PTPRB: variants seen among roughly 807,000 people sequenced by gnomAD.
The protein encoded by PTPRB is protein tyrosine phosphatase receptor type B.
In PTPRB, 97 loss-of-function variants were observed where a neutral mutation model predicts 238.1. The ratio of observed to expected loss-of-function variants is 0.41; its 90% confidence interval spans 0.35 to 0.48. The LOEUF (loss-of-function observed/expected upper bound fraction) is 0.48. PTPRB is among the 20% of genes least tolerant of loss of function. The pLI, the probability that PTPRB is intolerant of heterozygous loss-of-function variation, is 0.30. For synonymous variants in PTPRB, 970 were observed against 995.4 expected (o/e 0.97, Z 0.48); for missense variants, 2,292 against 2,681.9 (o/e 0.85, Z 3.21).
chr12:70,626,506 A>C (rs1885211101), intron 2 of PTPRB, among the ~76,000 whole-genome samples: 1 of 151,676 alleles, frequency 6.6e-6, no homozygotes, highest in Non-Finnish European at 1.5e-5. Context: ...ATTAGGAAAA[A>C]AATGGATGGT....
chr12:70,571,819 C>T lies in PTPRB; in HGVS notation c.3106+5G>A. The T allele has an allele frequency of 6.2e-7, 1 of 1,606,598 alleles. No individual in the cohort carries two copies. The highest frequency in any genetic ancestry group is 8.5e-7 in the Non-Finnish European group (1 of 1,175,926). On this transcript the variant is annotated splice_donor_5th_base_variant and intron_variant, in intron 12 of 33. Coordinates refer to ENST00000334414, the MANE Select transcript of PTPRB (RefSeq NM_001109754.4). ...ACTGTCAGATTTTGCAATCGTTCCA[C>T]TTACTTGTTCTCCCATTCCCTTGTT...
chr12:70,582,619 GA>G (rs1347535995), intron 9 of PTPRB, among the ~76,000 whole-genome samples: 2 of 151,784 alleles, frequency 1.3e-5, no homozygotes, highest in Non-Finnish European at 1.5e-5. Flanking sequence ...TATATGCAAA[GA>G]AAAAAACCTT....
intron 2 of PTPRB, among the ~76,000 whole-genome samples, chr12:70,623,016 G>A (rs1885017259): frequency 6.6e-6 from 1 of 152,074 alleles, no homozygotes; most frequent in African/African-American, 2.4e-5. Flanking sequence ...AAAATTATAT[G>A]TATATGTGAA....
chr12:70,606,536 T>C (rs919867275), intron 4 of PTPRB, among the ~76,000 whole-genome samples: 1 of 152,240 alleles, frequency 6.6e-6, no homozygotes, highest in Non-Finnish European at 1.5e-5. Flanking sequence ...TCTCATTCTA[T>C]TTTGTTTTAG....
rs553846571 is a variant in PTPRB, at chr12:70,599,182, T to C, written c.980-2855A>G. Among the ~76,000 whole-genome samples the C allele has an allele frequency of 3.3e-5, 5 of 152,288 alleles. No individual in the cohort carries two copies. The South Asian group carries it at 1.0e-3, about 32-fold the overall frequency. ...TTTTATTAGATACTTCTATCAGGGGTGCACATTTCATATAATATGACTGTG... is the reference window on the plus strand; with the variant it reads ...TTTTATTAGATACTTCTATCAGGGGCGCACATTTCATATAATATGACTGTG... On this transcript the variant is annotated intron_variant, in intron 4 of 33. Coordinates refer to ENST00000334414, the MANE Select transcript of PTPRB (RefSeq NM_001109754.4).
rs530854281 is a variant in PTPRB, at chr12:70,555,561, T to G, written c.4994-252A>C. ...GCTCTTCAGCAGAATTTCCTGAAGT[T>G]GTAGCTTCAAATTGCTTAAGAGCTC... On this transcript the variant is annotated intron_variant, in intron 19 of 33. Coordinates refer to ENST00000334414, the MANE Select transcript of PTPRB (RefSeq NM_001109754.4). 5.9e-5 allele frequency among the ~76,000 whole-genome samples: 9 copies of G among 152,290 alleles called. No individual in the cohort carries two copies. The South Asian group carries it at 1.9e-3, about 32-fold the overall frequency.
intron 27 of PTPRB, chr12:70,538,681 A>G (rs187593569): frequency 1.3e-5 from 7 of 542,664 alleles, no homozygotes; most frequent in Admixed American, 6.2e-5. Context: ...AAGAGAAGCA[A>G]TAGCATCACA....
intron 15 of PTPRB, among the ~76,000 whole-genome samples, chr12:70,565,394 C>T (rs888510020): frequency 6.6e-6 from 1 of 152,192 alleles, no homozygotes; most frequent in Non-Finnish European, 1.5e-5. Flanking sequence ...GTTCATACCT[C>T]TTGGCCTTTG....
At chr12:70,584,423 G>C (rs1039043668) in intron 9 of PTPRB, among the ~76,000 whole-genome samples, 1 of 151,878 alleles carries the variant, frequency 6.6e-6, no homozygotes, top group Non-Finnish European at 1.5e-5. Flanking sequence ...AATCAATCTT[G>C]AGCAAGAGAA....
At chr12:70,617,627 A>C (rs1884739155) in intron 3 of PTPRB, among the ~76,000 whole-genome samples, 1 of 152,158 alleles carries the variant, frequency 6.6e-6, no homozygotes, top group African/African-American at 2.4e-5. Flanking sequence ...AAGTGACCCC[A>C]ATATAGGAGG....
chr12:70,566,343 C>T (rs1879294063), intron 15 of PTPRB, 92 bp downstream of exon 15: 2 of 1,430,928 alleles, frequency 1.4e-6, no homozygotes, highest in South Asian at 1.4e-5. Context: ...ATATCATCTC[C>T]CAATGTTGCT....
At chr12:70,570,968 C>G in intron 13 of PTPRB, 58 bp downstream of exon 13, 8 of 1,576,674 alleles carry the variant, frequency 5.1e-6, no homozygotes, top group Non-Finnish European at 6.1e-6. Context: ...CCTGAACTAC[C>G]CGAAAGTTAA....
chr12:70,607,121 T>C (rs1884009447), intron 4 of PTPRB, among the ~76,000 whole-genome samples: 1 of 152,270 alleles, frequency 6.6e-6, no homozygotes, highest in African/African-American at 2.4e-5. Flanking sequence ...CCTACTTGCA[T>C]AATTAAACTC....
chr12:70,588,018 T>C (rs578139019), intron 8 of PTPRB, among the ~76,000 whole-genome samples: 137 of 139,078 alleles, frequency 9.9e-4, no homozygotes, highest in African/African-American at 3.5e-3. Flanking sequence ...ATTGCTTAAG[T>C]GGGGGAGGTG....
rs115456633 is a variant in PTPRB, at chr12:70,635,884, G to A, written c.238C>T (p.Arg80Cys). Residue 80 changes from arginine (R) to cysteine (C), a missense_variant, in exon 2 of 34, where the codon CGC becomes TGC. Physicochemically the swap from Arg to Cys is radical, Grantham distance 180 (BLOSUM62 -3). Coordinates refer to ENST00000334414, the MANE Select transcript of PTPRB (RefSeq NM_001109754.4). Reference sequence around the variant, plus strand: ...GAACAGCGGTCCAAGATGGCTGAGCGGGAGGGGCCGCGGGAAGAGTTGGAG... The same window carrying A: ...GAACAGCGGTCCAAGATGGCTGAGCAGGAGGGGCCGCGGGAAGAGTTGGAG... ...AISNSSRGPSRSAILDRCSQA... is the reference protein window; with the variant it reads ...AISNSSRGPSCSAILDRCSQA... 3.0e-5 allele frequency: 49 copies of A among 1,613,766 alleles called. No homozygotes were observed. In the African/African-American group the frequency reaches 4.7e-4, roughly 15 times the overall value.
intron 29 of PTPRB, 57 bp from the exon 30 acceptor site, chr12:70,535,012 C>T: frequency 1.7e-5 from 27 of 1,561,864 alleles, no homozygotes; most frequent in East Asian, 2.3e-5. Flanking sequence ...CTTGGTGAAC[C>T]TGGGGTTTCC....
intron 2 of PTPRB, 136 bp downstream of exon 2, chr12:70,635,535 T>C: frequency 8.7e-7 from 1 of 1,155,046 alleles, no homozygotes. Flanking sequence ...CATTAGCTTA[T>C]GAATCTTCCA....
chr12:70,520,777 C>G lies in PTPRB; in HGVS notation c.*712G>C, dbSNP rs897321396. ...TTCATCACTTCTGTTTGGAATCATT[C>G]TCTATCAGAACCCTCAACCCTGCAT... On this transcript the variant is annotated 3_prime_UTR_variant, in exon 34 of 34. Coordinates refer to ENST00000334414, the MANE Select transcript of PTPRB (RefSeq NM_001109754.4). The G allele has an allele frequency of 6.5e-6, 1 of 152,678 alleles. No homozygotes were observed. Among genetic ancestry groups the G allele is most frequent in the Non-Finnish European group, 1.5e-5 (1 of 68,474 alleles). The allele number at this position is 152,678 out of a possible 1,614,324, so 9.5% of individuals were successfully genotyped here.
intron 18 of PTPRB, among the ~76,000 whole-genome samples, chr12:70,556,413 G>A (rs1433847391): frequency 1.3e-5 from 2 of 152,128 alleles, no homozygotes; most frequent in African/African-American, 4.8e-5. Flanking sequence ...ATAGTTAGAC[G>A]TGGCTGAGGA....
Sources: gnomAD v4.1 joint callset for allele counts (sites outside exome capture counted in the v4.1 genomes callset) on GRCh38, gnomAD v4.1.1 for gene constraint, MANE v1.5 for transcripts, NCBI Gene and HGNC (gene_info 2026-07-23, HGNC 2026-07-21) for gene names.